The following TFB1M variants were observed in gnomAD, a reference collection of about 807,000 sequenced individuals.
The protein encoded by TFB1M is dimethyladenosine transferase 1, mitochondrial.
In TFB1M, 27 loss-of-function variants were observed where a neutral mutation model predicts 31.1. The ratio of observed to expected loss-of-function variants is 0.87; its 90% CI spans 0.64 to 1.20. The LOEUF (loss-of-function observed/expected upper bound fraction) is 1.20, where lower values mean the gene tolerates loss of function less well. TFB1M is among the 50% of genes most tolerant of loss of function. The pLI, the probability that TFB1M is intolerant of heterozygous loss-of-function variation, is 0.00. For missense variants in TFB1M, 394 were observed against 418.7 expected, an observed-to-expected ratio of 0.94 and a Z score of 0.51; for synonymous variants, 166 against 151.8, an observed-to-expected ratio of 1.09 and a Z score of -0.69.
intron 5 of TFB1M, among the ~76,000 whole-genome samples, chr6:155,268,922 G>A (rs1380264681): frequency 8.4e-6 from 1 of 119,592 alleles, no homozygotes; most frequent in African/African-American, 3.2e-5. Context: ...CCCCCTCTGC[G>A]AGAAACACCC....
the TFB1M span, chr6:155,244,829 G>C: frequency 6.4e-7 from 1 of 1,556,188 alleles, no homozygotes; most frequent in Admixed American, 1.9e-5. Flanking sequence ...CGTGGCTATG[G>C]TACGTATTTC....
At chr6:155,296,193 T>C (rs1184670439) in intron 4 of TFB1M, among the ~76,000 whole-genome samples, 11 of 152,036 alleles carry the variant, frequency 7.2e-5, no homozygotes, top group African/African-American at 2.7e-4. Flanking sequence ...GGAAGTACAA[T>C]TTATATACTG....
chr6:155,277,797 A>C (rs2114719024), intron 5 of TFB1M, among the ~76,000 whole-genome samples: 1 of 152,372 alleles, frequency 6.6e-6, no homozygotes, highest in South Asian at 2.1e-4. Context: ...CATACTAAAA[A>C]GAATTCTGAT....
intron 5 of TFB1M, among the ~76,000 whole-genome samples, chr6:155,273,227 A>T (rs774182794): frequency 6.6e-6 from 1 of 152,236 alleles, no homozygotes; most frequent in Non-Finnish European, 1.5e-5. Context: ...AACAGAAAAG[A>T]AACTGTATGA....
chr6:155,312,500 C>T (rs1312833844), intron 1 of TFB1M, among the ~76,000 whole-genome samples: 2 of 152,174 alleles, frequency 1.3e-5, no homozygotes, highest in Admixed American at 6.5e-5. Flanking sequence ...AGGAATGATA[C>T]ATTATGGAAT....
intron 5 of TFB1M, among the ~76,000 whole-genome samples, chr6:155,262,411 G>A (rs6557413): frequency 0.52 from 79,059 of 151,682 alleles, 21,573 homozygotes; most frequent in East Asian, 0.98. Context: ...TCTACACCTC[G>A]CCAGCCTTCT....
intron 2 of TFB1M, among the ~76,000 whole-genome samples, chr6:155,309,693 T>C (rs1777937491): frequency 6.6e-6 from 1 of 152,168 alleles, no homozygotes; most frequent in Admixed American, 6.5e-5. Context: ...CAGGTGAGTA[T>C]TCCCTATGTC....
downstream of TFB1M, chr6:155,254,700 T>A: frequency 8.2e-7 from 1 of 1,226,128 alleles, no homozygotes; most frequent in South Asian, 1.6e-5. Flanking sequence ...TATCTCCTTT[T>A]AAGAAACCTA....
downstream of TFB1M, chr6:155,251,934 C>T (rs746006844): frequency 4.4e-6 from 7 of 1,595,392 alleles, no homozygotes; most frequent in African/African-American, 9.5e-5. Flanking sequence ...TTTCTCTTTT[C>T]CTTTCTTTAG....
rs1235430205 is a variant in TFB1M at position 155,257,027 on chromosome 6, A to C, written c.*809T>G. ...TCTGAAAATGCCACCATCGACCTAA[A>C]TTCTGTTCTAGAGCGAGAATTCAGT... On this transcript the variant is annotated 3_prime_UTR_variant, in exon 7 of 7. Transcript: ENST00000367166. 8 of 1,614,062 alleles carry C rather than the reference A, an allele frequency of 5.0e-6. No homozygotes were observed. Among genetic ancestry groups the C allele is most frequent in the Non-Finnish European group, 6.8e-6 (8 of 1,180,046 alleles).
At chr6:155,244,218 C>A in the TFB1M span, 3 of 813,246 alleles carry the variant, frequency 3.7e-6, no homozygotes, top group South Asian at 1.7e-5. Flanking sequence ...GAGTCCCAGG[C>A]ATAGCCTCCT....
chr6:155,252,785 T>C, downstream of TFB1M: 1 of 605,502 alleles, frequency 1.7e-6, no homozygotes, highest in South Asian at 2.2e-5. Flanking sequence ...GTGAGGTCTT[T>C]GAGAACTGGG....
intron 2 of TFB1M, among the ~76,000 whole-genome samples, chr6:155,300,718 C>A (rs1777386326): frequency 6.6e-6 from 1 of 152,164 alleles, no homozygotes; most frequent in African/African-American, 2.4e-5. Flanking sequence ...TAACTTTTCC[C>A]ACCCTGACAG....
the TFB1M span, among the ~76,000 whole-genome samples, chr6:155,232,227 T>C: frequency 2.0e-5 from 3 of 152,266 alleles, no homozygotes; most frequent in East Asian, 5.8e-4. Flanking sequence ...TTTACGAAGT[T>C]CAGAGTGAGT....
At chr6:155,287,475 C>G (rs536819544) in intron 4 of TFB1M, among the ~76,000 whole-genome samples, 1 of 151,406 alleles carries the variant, frequency 6.6e-6, no homozygotes, top group South Asian at 2.1e-4. Context: ...AAAAAATAAT[C>G]AAGTCACAGA....
rs1234872486 is a variant in TFB1M, at chr6:155,305,682, AT to A, written c.285+5505del. Among the ~76,000 whole-genome samples, 6 of 89,782 alleles carry A rather than the reference AT, an allele frequency of 6.7e-5. 1 individual carries two copies. The highest frequency in any genetic ancestry group is 5.7e-4 in the South Asian group (2 of 3,534). The allele number at this position is 89,782 out of a possible 152,430, so 58.9% of individuals were successfully genotyped here. ...ATTTATATATATAAATATATATTAA[AT>A]TATATATTTATATATAAATATATAT... is the stretch of plus-strand genomic sequence containing the variant. On this transcript the variant is annotated intron_variant, in intron 2 of 6. Coordinates refer to ENST00000367166, the MANE Select transcript of TFB1M (RefSeq NM_016020.4).
intron 4 of TFB1M, among the ~76,000 whole-genome samples, chr6:155,288,699 A>G (rs1211036168): frequency 6.6e-6 from 1 of 151,762 alleles, no homozygotes; most frequent in Non-Finnish European, 1.5e-5. Flanking sequence ...TGTAGAGATG[A>G]AAACATGCGA....
intron 5 of TFB1M, among the ~76,000 whole-genome samples, chr6:155,278,832 G>A (rs762619759): frequency 9.2e-5 from 14 of 152,188 alleles, no homozygotes; most frequent in South Asian, 2.1e-4. Flanking sequence ...CAGAGTTCTC[G>A]TGGGGATTAA....
chr6:155,241,626 T>C, the TFB1M span, among the ~76,000 whole-genome samples: 7 of 152,210 alleles, frequency 4.6e-5, no homozygotes, highest in African/African-American at 1.7e-4. Context: ...TTGATGTCGC[T>C]GTTTTACCAG....
Sources: allele counts gnomAD v4.1 joint callset (sites outside exome capture counted in the v4.1 genomes callset), GRCh38; gene constraint gnomAD v4.1.1; transcripts MANE v1.5; gene names NCBI Gene and HGNC (gene_info 2026-07-23, HGNC 2026-07-21).